Variants in MCPH1 observed in about 807,000 individuals in gnomAD.
The protein encoded by MCPH1 is microcephalin.
MCPH1 carries 104 observed loss-of-function variants against 84.5 expected under a neutral mutation model. The observed-to-expected ratio is 1.23, with a 90% confidence interval of 1.05 to 1.45. The LOEUF is 1.45. MCPH1 is among the 40% of genes most tolerant of loss of function. MCPH1 has a pLI of 0.00. For missense variants in MCPH1, 1,498 were observed against 1,005.7 expected (o/e 1.49, Z -6.62); for synonymous variants, 514 against 366.8 (o/e 1.40, Z -4.58).
At chr8:6,640,093 T>A (rs1306270954) in intron 13 of MCPH1, among the ~76,000 whole-genome samples, 1 of 141,702 alleles carries the variant, frequency 7.1e-6, no homozygotes, top group Non-Finnish European at 1.5e-5. Flanking sequence ...TGTGTGTGTG[T>A]GTGTGCGCGC....
At chr8:6,531,405 C>T (rs768133760) in intron 12 of MCPH1, among the ~76,000 whole-genome samples, 42 of 152,068 alleles carry the variant, frequency 2.8e-4, no homozygotes, top group African/African-American at 8.4e-4. Flanking sequence ...TCTCCTGCCT[C>T]AGCCTCCCAA....
chr8:6,462,001 C>A (rs2922818), intron 9 of MCPH1, among the ~76,000 whole-genome samples: 38,209 of 152,048 alleles, frequency 0.25, 6,844 homozygotes, highest in African/African-American at 0.5. Context: ...GTAAGTGGCT[C>A]AGTTGTAGAA....
chr8:6,512,788 T>A (rs1024244037), intron 12 of MCPH1, among the ~76,000 whole-genome samples: 3 of 152,244 alleles, frequency 2.0e-5, no homozygotes, highest in Non-Finnish European at 2.9e-5. Flanking sequence ...CTATTACTTA[T>A]GATTATTGCT....
chr8:6,462,473 C>G (rs1336095209), intron 9 of MCPH1, among the ~76,000 whole-genome samples: 1 of 152,196 alleles, frequency 6.6e-6, no homozygotes, highest in Non-Finnish European at 1.5e-5. Context: ...AACCATCACT[C>G]AGTAATGATG....
At chr8:6,576,682 A>T (rs1303334656) in intron 12 of MCPH1, among the ~76,000 whole-genome samples, 46 of 42,300 alleles carry the variant, frequency 1.1e-3, no homozygotes, top group African/African-American at 1.9e-3. Context: ...TAATTTTTGT[A>T]TTTTTTTTTT....
At chr8:6,481,526 C>G (rs928009249) in intron 11 of MCPH1, among the ~76,000 whole-genome samples, 5 of 152,198 alleles carry the variant, frequency 3.3e-5, no homozygotes, top group Non-Finnish European at 7.3e-5. Context: ...TCACTTGTTA[C>G]GTATGTTACC....
At chr8:6,554,960 A>T (rs1164745759) in intron 12 of MCPH1, among the ~76,000 whole-genome samples, 1 of 152,232 alleles carries the variant, frequency 6.6e-6, no homozygotes, top group Non-Finnish European at 1.5e-5. Flanking sequence ...TATCTAATTA[A>T]AATATTAAAG....
intron 12 of MCPH1, among the ~76,000 whole-genome samples, chr8:6,551,070 A>G (rs1469669345): frequency 6.6e-6 from 1 of 152,206 alleles, no homozygotes; most frequent in African/African-American, 2.4e-5. Flanking sequence ...TAAGTGTGCT[A>G]GGTAAGGGAT....
At chr8:6,410,459 G>C (rs991262681) in intron 2 of MCPH1, among the ~76,000 whole-genome samples, 1 of 152,154 alleles carries the variant, frequency 6.6e-6, no homozygotes, top group African/African-American at 2.4e-5. Context: ...TGAGCTATGA[G>C]GAAATGGAGA....
intron 9 of MCPH1, among the ~76,000 whole-genome samples, chr8:6,471,401 T>C (rs1051330514): frequency 2.6e-5 from 4 of 152,082 alleles, no homozygotes; most frequent in African/African-American, 9.7e-5. Flanking sequence ...CTGAAAAAAA[T>C]GATACTCAAT....
intron 3 of MCPH1, among the ~76,000 whole-genome samples, chr8:6,422,640 G>C (rs1338029768): frequency 6.6e-6 from 1 of 152,152 alleles, no homozygotes; most frequent in Admixed American, 6.5e-5. Context: ...TTCTCAAGGG[G>C]CTCATGCAGA....
At chr8:6,594,237 C>A (rs1028059250) in intron 12 of MCPH1, among the ~76,000 whole-genome samples, 3 of 152,162 alleles carry the variant, frequency 2.0e-5, no homozygotes, top group Non-Finnish European at 4.4e-5. Flanking sequence ...TCCTGGACAG[C>A]GTTTCTATTA....
At chr8:6,478,287 G>T (rs1298596181) in intron 10 of MCPH1, among the ~76,000 whole-genome samples, 1 of 151,882 alleles carries the variant, frequency 6.6e-6, no homozygotes, top group African/African-American at 2.4e-5. Context: ...TCCTGCCTGG[G>T]GCTTAGAAAT....
intron 12 of MCPH1, among the ~76,000 whole-genome samples, chr8:6,598,271 C>T (rs977105254): frequency 5.3e-5 from 8 of 152,144 alleles, no homozygotes; most frequent in African/African-American, 1.9e-4. Context: ...GTCTGTAGAG[C>T]AAGTTTAGGA....
chr8:6,571,445 C>T lies in MCPH1; in HGVS notation c.2215-50009C>T, dbSNP rs542986865. ...TAAATGTTGTCGAGATCTCAAACTC[C>T]GTTGCTTCTAAAAAAATATGTCCAG... is the stretch of plus-strand genomic sequence containing the variant. On this transcript the variant is annotated intron_variant, in intron 12 of 13. Transcript: ENST00000344683. 3.3e-5 allele frequency among the ~76,000 whole-genome samples: 5 copies of T among 152,172 alleles called. No homozygotes were observed. In the South Asian group the frequency reaches 6.2e-4, roughly 19 times the overall value.
At chr8:6,481,575 C>T (rs1412511255) in intron 11 of MCPH1, among the ~76,000 whole-genome samples, 1 of 152,146 alleles carries the variant, frequency 6.6e-6, no homozygotes, top group Non-Finnish European at 1.5e-5. Flanking sequence ...TCCTCCTCTC[C>T]CAAGAATGTA....
At chr8:6,414,452 T>C (rs532015175) in intron 2 of MCPH1, among the ~76,000 whole-genome samples, 4 of 152,370 alleles carry the variant, frequency 2.6e-5, no homozygotes, top group South Asian at 2.1e-4. Context: ...TCTGACTCTT[T>C]CCATCTTTAA....
intron 12 of MCPH1, among the ~76,000 whole-genome samples, chr8:6,587,617 CAGA>C (rs771885185): frequency 7.9e-5 from 12 of 152,144 alleles, no homozygotes; most frequent in Non-Finnish European, 1.5e-4. Flanking sequence ...GGTAATTTTT[CAGA>C]AGAATAGCAG....
chr8:6,513,860 T>A, intron 12 of MCPH1: 2 of 1,589,200 alleles, frequency 1.3e-6, no homozygotes, highest in African/African-American at 1.4e-5. Context: ...ATGCAAGTTG[T>A]TAAATTCAAT....
Sources: gnomAD v4.1 joint callset for allele counts (sites outside exome capture counted in the v4.1 genomes callset) on GRCh38, gnomAD v4.1.1 for gene constraint, MANE v1.5 for transcripts, NCBI Gene and HGNC (gene_info 2026-07-23, HGNC 2026-07-21) for gene names.